The following ATP11C variants were observed in gnomAD, a reference collection of about 807,000 sequenced individuals.
ATP11C encodes ATPase phospholipid transporting 11C (ATP11C blood group).
ATP11C carries 36 observed loss-of-function variants against 97.4 expected under a neutral mutation model. That is an observed-to-expected ratio of 0.37 (90% confidence interval 0.28 to 0.49). The LOEUF (loss-of-function observed/expected upper bound fraction) is 0.49, where lower values mean the gene tolerates loss of function less well. Among genes scored for constraint, ATP11C ranks in the 20% least tolerant of loss-of-function variants. The probability of loss-of-function intolerance (pLI) is 0.98; values close to 1 mark genes in which losing one functional copy is unlikely to be tolerated. For synonymous variants in ATP11C, 275 were observed against 290.9 expected (o/e 0.95, Z 0.56); for missense variants, 730 against 824.6 (o/e 0.89, Z 1.40).
intron 4 of ATP11C, among the ~76,000 whole-genome samples, chrX:139,815,720 G>A (rs1202715082): frequency 9.0e-6 from 1 of 111,039 alleles, no homozygotes; most frequent in Non-Finnish European, 1.9e-5. Context: ...ATATACCTTT[G>A]TCTTTTTTCG....
upstream of ATP11C, among the ~76,000 whole-genome samples, chrX:139,933,312 C>T (rs1439001784): frequency 6.5e-3 from 3 of 461 alleles, no homozygotes; most frequent in Non-Finnish European, 0.01. Context: ...AGGCCGGGCG[C>T]ACTCGGTAGC....
intron 18 of ATP11C, 30 bp from the exon 19 acceptor site, chrX:139,774,983 T>C: frequency 1.7e-6 from 2 of 1,166,940 alleles, no homozygotes; most frequent in South Asian, 4.0e-5. Flanking sequence ...CTTGTGATCT[T>C]CTAAAACTCC....
At chrX:139,729,126 A>G (rs954077852) in intron 29 of ATP11C, among the ~76,000 whole-genome samples, 164 bp from the exon 30 acceptor site, 3 of 111,854 alleles carry the variant, frequency 2.7e-5, no homozygotes, top group Admixed American at 9.5e-5. Context: ...AAAGAGTGAC[A>G]CTATAACCAG....
At chrX:139,736,938 A>G (rs2081456829) in intron 28 of ATP11C, among the ~76,000 whole-genome samples, 1 of 111,655 alleles carries the variant, frequency 9.0e-6, no homozygotes, top group South Asian at 3.8e-4. Context: ...TGTCTATGTA[A>G]TATCAACTAC....
chrX:139,816,707 C>A (rs964142827), intron 4 of ATP11C, among the ~76,000 whole-genome samples, 156 bp downstream of exon 4: 11 of 112,060 alleles, frequency 9.8e-5, no homozygotes, highest in African/African-American at 3.6e-4. Flanking sequence ...TAAGGATGTG[C>A]CTATCATTTT....
chrX:139,741,651 T>C (rs937543880), intron 26 of ATP11C, among the ~76,000 whole-genome samples: 1 of 111,996 alleles, frequency 8.9e-6, no homozygotes, highest in African/African-American at 3.2e-5. Context: ...GGTTTGACTA[T>C]GTAGTGTATC....
intron 9 of ATP11C, 127 bp downstream of exon 9, chrX:139,798,552 T>C (rs1442618552): frequency 1.8e-6 from 1 of 565,218 alleles, no homozygotes; most frequent in African/African-American, 2.3e-5. Flanking sequence ...CGTTATAAAT[T>C]CCCAACACCT....
At chrX:139,882,980 A>G (rs1420965993) in intron 1 of ATP11C, among the ~76,000 whole-genome samples, 1 of 110,985 alleles carries the variant, frequency 9.0e-6, no homozygotes, top group Non-Finnish European at 1.9e-5. Context: ...ACTTGGTCCT[A>G]TGAGAAACAG....
At chrX:139,849,621 C>T (rs770225399) in intron 1 of ATP11C, among the ~76,000 whole-genome samples, 10 of 112,280 alleles carry the variant, frequency 8.9e-5, no homozygotes, top group Non-Finnish European at 1.7e-4. Context: ...TCTCTGTAGG[C>T]TGGTCCATAG....
At chrX:139,893,213 G>A (rs985679905) in intron 1 of ATP11C, among the ~76,000 whole-genome samples, 1 of 110,752 alleles carries the variant, frequency 9.0e-6, no homozygotes, top group South Asian at 3.9e-4. Context: ...TAATTTTTGG[G>A]TTTTTTTGTT....
At chrX:139,892,117 A>G (rs903205450) in intron 1 of ATP11C, among the ~76,000 whole-genome samples, 1 of 111,683 alleles carries the variant, frequency 9.0e-6, no homozygotes, top group Non-Finnish European at 1.9e-5. Flanking sequence ...TCGGCCTCCC[A>G]AAGTGCTGGG....
At chrX:139,825,221 G>A (rs1410487462) in intron 2 of ATP11C, among the ~76,000 whole-genome samples, 1 of 111,548 alleles carries the variant, frequency 9.0e-6, no homozygotes, top group African/African-American at 3.3e-5. Context: ...AACCCAAACA[G>A]CACGATGATG....
intron 18 of ATP11C, among the ~76,000 whole-genome samples, chrX:139,778,973 C>G (rs2082401333): frequency 9.0e-6 from 1 of 111,706 alleles, no homozygotes; most frequent in African/African-American, 3.3e-5. Flanking sequence ...TTTAAACCAA[C>G]AACAGTAAAT....
intron 1 of ATP11C, among the ~76,000 whole-genome samples, chrX:139,888,895 G>A (rs1221126945): frequency 9.1e-6 from 1 of 109,745 alleles, no homozygotes; most frequent in South Asian, 4.0e-4. Context: ...TGCAACCTCC[G>A]CCTCTCGGGT....
intron 1 of ATP11C, among the ~76,000 whole-genome samples, chrX:139,857,708 C>T (rs1471284644): frequency 7.2e-5 from 8 of 110,979 alleles, no homozygotes; most frequent in Non-Finnish European, 1.3e-4. Context: ...AGTGTACGCT[C>T]ACCATTATTC....
intron 1 of ATP11C, among the ~76,000 whole-genome samples, chrX:139,918,013 T>G (rs2085183603): frequency 9.4e-6 from 1 of 106,063 alleles, no homozygotes; most frequent in African/African-American, 3.4e-5. Flanking sequence ...TAGCAATTGT[T>G]GGTGAGTATA....
intron 1 of ATP11C, among the ~76,000 whole-genome samples, chrX:139,900,537 T>C (rs368242756): frequency 3.6e-5 from 4 of 111,731 alleles, no homozygotes; most frequent in South Asian, 3.7e-4. Context: ...CCTGGACTTA[T>C]ATGGCAGTAT....
chrX:139,895,445 T>C (rs1236871908), intron 1 of ATP11C, among the ~76,000 whole-genome samples: 1 of 111,163 alleles, frequency 9.0e-6, no homozygotes, highest in East Asian at 2.8e-4. Context: ...TAATTTTGTA[T>C]TTTTTGTAGA....
upstream of ATP11C, among the ~76,000 whole-genome samples, chrX:139,936,859 G>A (rs780094504): frequency 2.7e-5 from 3 of 111,003 alleles, no homozygotes; most frequent in East Asian, 8.5e-4. Flanking sequence ...AAGTAATCTG[G>A]CAGGAGGGGA....
Sources: allele counts gnomAD v4.1 joint callset (sites outside exome capture counted in the v4.1 genomes callset), GRCh38; gene constraint gnomAD v4.1.1; transcripts MANE v1.5; gene names NCBI Gene and HGNC (gene_info 2026-07-23, HGNC 2026-07-21).